TF: variants seen among roughly 807,000 people sequenced by gnomAD.
TF encodes serotransferrin.
A neutral mutation model predicts 82.4 loss-of-function variants in TF; 55 were observed. That is an observed-to-expected ratio of 0.67 (90% confidence interval 0.54 to 0.84). The LOEUF (loss-of-function observed/expected upper bound fraction) is 0.84, where lower values mean the gene tolerates loss of function less well. Among genes scored for constraint, TF ranks in the 40% least tolerant of loss-of-function variants. The pLI is 0.00. For synonymous variants in TF, 332 were observed against 332.6 expected (o/e 1.00, Z 0.02); for missense variants, 737 against 868.4 (o/e 0.85, Z 1.90).
At chr3:133,725,612 T>C in the TF span, among the ~76,000 whole-genome samples, 5 of 151,940 alleles carry the variant, frequency 3.3e-5, no homozygotes, top group African/African-American at 9.7e-5. Context: ...ACAGGGACAA[T>C]TTGACTTCCT....
At chr3:133,776,943 C>T in intron 15 of TF, 106 bp from the exon 16 acceptor site, 1 of 1,015,162 alleles carries the variant, frequency 9.9e-7, no homozygotes. Flanking sequence ...TCCGTAGCTT[C>T]CCTTTTTCCC....
the TF span, among the ~76,000 whole-genome samples, chr3:133,696,165 C>T: frequency 6.6e-6 from 1 of 152,020 alleles, no homozygotes; most frequent in African/African-American, 2.4e-5. Context: ...TGACTCATGC[C>T]TGTAATCTCA....
At chr3:133,763,162 T>G (rs6803647) in intron 9 of TF, among the ~76,000 whole-genome samples, 1,777 of 152,240 alleles carry the variant, frequency 0.012, 41 homozygotes, top group African/African-American at 0.04. Context: ...ATATATTCAG[T>G]TTATGTTTAA....
At chr3:133,778,485 C>G (rs1934451092) in intron 16 of TF, 101 bp from the exon 17 acceptor site, 8 of 1,325,502 alleles carry the variant, frequency 6.0e-6, no homozygotes, top group African/African-American at 1.5e-5. Flanking sequence ...GGCAGCAAGT[C>G]TGCACACTTT....
At chr3:133,710,766 C>A in the TF span, among the ~76,000 whole-genome samples, 1 of 152,192 alleles carries the variant, frequency 6.6e-6, no homozygotes, top group South Asian at 2.1e-4. Flanking sequence ...TGTAAACACA[C>A]CGAATGTTTT....
chr3:133,766,486 T>A (rs186302813), intron 12 of TF, 53 bp downstream of exon 12: 9 of 1,610,982 alleles, frequency 5.6e-6, no homozygotes, highest in Non-Finnish European at 7.6e-6. Flanking sequence ...GAAAGCAGGG[T>A]CCTGCCTTAG....
chr3:133,664,021 C>T, the TF span, among the ~76,000 whole-genome samples: 2 of 152,128 alleles, frequency 1.3e-5, no homozygotes, highest in Admixed American at 1.3e-4. Flanking sequence ...ATGGATAAAG[C>T]AGTGGTTCTG....
chr3:133,683,210 A>G, the TF span, among the ~76,000 whole-genome samples: 1 of 152,210 alleles, frequency 6.6e-6, no homozygotes, highest in African/African-American at 2.4e-5. Context: ...GAAGCACTAA[A>G]CATGGAAAGG....
the TF span, among the ~76,000 whole-genome samples, chr3:133,679,151 A>T: frequency 2.6e-5 from 4 of 152,014 alleles, no homozygotes; most frequent in African/African-American, 9.7e-5. Context: ...GATTACAGAC[A>T]TGAGCCACCA....
At chr3:133,697,700 G>A in the TF span, among the ~76,000 whole-genome samples, 1 of 152,118 alleles carries the variant, frequency 6.6e-6, no homozygotes, top group Non-Finnish European at 1.5e-5. Flanking sequence ...GAGGCCATTA[G>A]GTCATATTGA....
chr3:133,699,082 C>A, the TF span, among the ~76,000 whole-genome samples: 1 of 152,248 alleles, frequency 6.6e-6, no homozygotes, highest in Admixed American at 6.5e-5. Context: ...ATATTACTGG[C>A]CTCTCCAAGT....
At chr3:133,669,528 A>G in the TF span, among the ~76,000 whole-genome samples, 1 of 152,232 alleles carries the variant, frequency 6.6e-6, no homozygotes, top group Non-Finnish European at 1.5e-5. Context: ...GTTATGGCCA[A>G]TAGAATATAG....
chr3:133,716,521 C>T, the TF span, among the ~76,000 whole-genome samples: 2 of 152,164 alleles, frequency 1.3e-5, no homozygotes, highest in African/African-American at 4.8e-5. Flanking sequence ...TGTACCTTCT[C>T]AAGGTATCCA....
chr3:133,700,124 A>G, the TF span: 1 of 153,168 alleles, frequency 6.5e-6, no homozygotes, highest in African/African-American at 2.4e-5. Context: ...GGACTACCTC[A>G]TGGACATGGA....
At position 133,794,341 on chromosome 3, in the gene TF, C is replaced by T. The variant is rs1342488014; in HGVS notation, c.*15721C>T. 1 of 152,168 alleles carries T rather than the reference C, an allele frequency of 6.6e-6. No homozygotes were observed. The highest frequency in any genetic ancestry group is 6.5e-5 in the Admixed American group (1 of 15,282). The allele number at this position is 152,168 out of a possible 1,614,324, so 9.4% of individuals were successfully genotyped here. A position where few individuals can be genotyped will look rare whatever the true frequency, so the allele number is the denominator to read the frequency against. ...CATATTCCTGGGAAAACAATCAAAG[C>T]TTCAGGTACATCCAGTCACCTGATA... On this transcript the variant is annotated 3_prime_UTR_variant, in exon 17 of 17. Coordinates refer to ENST00000402696, the MANE Select transcript of TF (RefSeq NM_001063.4).
intron 14 of TF, among the ~76,000 whole-genome samples, chr3:133,771,760 A>AAAAAAAAAAAAAAAAAC: frequency 1.3e-5 from 2 of 149,930 alleles, no homozygotes; most frequent in African/African-American, 2.5e-5. Flanking sequence ...AAAAAAAAAA[A>AAAAAAAAAAAAAAAAAC]AAAAAAGAAT....
chr3:133,742,618 G>C (rs558322136), upstream of TF, among the ~76,000 whole-genome samples: 1 of 152,078 alleles, frequency 6.6e-6, no homozygotes, highest in Non-Finnish European at 1.5e-5. Context: ...CGTGAATGTC[G>C]GTTCTCAGGC....
chr3:133,781,414 T>C lies in TF; in HGVS notation c.*2794T>C, dbSNP rs371362251. 6.6e-6 allele frequency: 1 copy of C among 152,052 alleles called. No individual in the cohort carries two copies. Among genetic ancestry groups the C allele is most frequent in the South Asian group, 2.1e-4 (1 of 4,826 alleles). 9.4% of individuals were successfully genotyped at this position (152,052 alleles called of 1,614,324 possible). On this transcript the variant is annotated 3_prime_UTR_variant, in exon 17 of 17. Transcript: ENST00000402696. ...GAAATATTAAAATAAAAAATAACTTTCTTTTATACAAATAATAGTGAGTTA... is the reference window on the plus strand; with the variant it reads ...GAAATATTAAAATAAAAAATAACTTCCTTTTATACAAATAATAGTGAGTTA...
At chr3:133,699,553 C>A in the TF span, 1 of 775,648 alleles carries the variant, frequency 1.3e-6, no homozygotes, top group African/African-American at 1.8e-5. Context: ...TGGGTCCTTT[C>A]TCATACTGTC....
Sources: gnomAD v4.1 joint callset for allele counts (sites outside exome capture counted in the v4.1 genomes callset) on GRCh38, gnomAD v4.1.1 for gene constraint, MANE v1.5 for transcripts, NCBI Gene and HGNC (gene_info 2026-07-23, HGNC 2026-07-21) for gene names.